Variants in MLLT3 observed in about 807,000 individuals in gnomAD.
MLLT3 encodes the protein protein AF-9.
In MLLT3, 4 loss-of-function variants were observed where a neutral mutation model predicts 53.2. The ratio of observed to expected loss-of-function variants is 0.08; its 90% CI spans 0.04 to 0.17. The LOEUF is 0.17. MLLT3 is among the 10% of genes least tolerant of loss of function. The probability of loss-of-function intolerance (pLI) is 1.00; values close to 1 mark genes in which losing one functional copy is unlikely to be tolerated. For synonymous variants in MLLT3, 283 were observed against 230.6 expected, an observed-to-expected ratio of 1.23 and a Z score of -2.06; for missense variants, 569 against 684.0, an observed-to-expected ratio of 0.83 and a Z score of 1.87.
chr9:20,578,401 AACG>A (rs1249669288), intron 2 of MLLT3, among the ~76,000 whole-genome samples: 2 of 152,280 alleles, frequency 1.3e-5, no homozygotes, highest in East Asian at 3.9e-4. Context: ...AATGGGGCTG[AACG>A]TGGTGGCTCA....
chr9:20,469,700 T>C (rs1279453156), intron 2 of MLLT3, among the ~76,000 whole-genome samples: 1 of 148,660 alleles, frequency 6.7e-6, no homozygotes, highest in Admixed American at 6.7e-5. Context: ...AACTAGCTAG[T>C]GTTCACTAAT....
At chr9:20,460,093 ATAC>A (rs1824071887) in intron 2 of MLLT3, among the ~76,000 whole-genome samples, 1 of 152,252 alleles carries the variant, frequency 6.6e-6, no homozygotes, top group Non-Finnish European at 1.5e-5. Flanking sequence ...GCCAGTAGGG[ATAC>A]TACATTAGAT....
intron 2 of MLLT3, among the ~76,000 whole-genome samples, chr9:20,542,238 A>ATTT (rs35985088): frequency 1.1e-3 from 56 of 50,622 alleles, no homozygotes; most frequent in Middle Eastern, 0.013. Flanking sequence ...GAGCAGTAAT[A>ATTT]TTTTTTTTTT....
rs569902878 is a variant in MLLT3, at chr9:20,342,466, C to T, written c.*3977G>A. 1 of 222,446 alleles carries T rather than the reference C, an allele frequency of 4.5e-6. No individual in the cohort carries two copies. Among genetic ancestry groups the T allele is most frequent in the South Asian group, 1.8e-4 (1 of 5,428 alleles). The allele number at this position is 222,446 out of a possible 1,614,324, so 13.8% of individuals were successfully genotyped here. On this transcript the variant is annotated 3_prime_UTR_variant, in exon 11 of 11. Transcript: ENST00000380338. ...CATTTTCACTTAATTTATTTTTGCACTGCATGGTAGCTCTGGCCACCATTA... is the reference window on the plus strand; with the variant it reads ...CATTTTCACTTAATTTATTTTTGCATTGCATGGTAGCTCTGGCCACCATTA...
intron 2 of MLLT3, among the ~76,000 whole-genome samples, chr9:20,490,570 T>C (rs1824922632): frequency 3.9e-5 from 6 of 152,202 alleles, no homozygotes; most frequent in Admixed American, 3.9e-4. Flanking sequence ...GAGCAGATTC[T>C]TCCCAGAGCC....
intron 2 of MLLT3, among the ~76,000 whole-genome samples, chr9:20,513,714 C>T (rs10964590): frequency 0.074 from 11,231 of 152,186 alleles, 575 homozygotes; most frequent in Non-Finnish European, 0.12. Flanking sequence ...TGGTTGTACA[C>T]GGCAGGTATC....
intron 2 of MLLT3, among the ~76,000 whole-genome samples, chr9:20,498,623 A>AT (rs565440615): frequency 6.0e-4 from 92 of 152,186 alleles, no homozygotes; most frequent in Non-Finnish European, 4.4e-4. Context: ...ACATTATGAG[A>AT]TTTTTTTGTG....
At chr9:20,579,011 G>A (rs577415047) in intron 2 of MLLT3, among the ~76,000 whole-genome samples, 1 of 152,030 alleles carries the variant, frequency 6.6e-6, no homozygotes, top group Non-Finnish European at 1.5e-5. Flanking sequence ...ATTGTACAGC[G>A]TTGCTTACCT....
At chr9:20,395,941 G>A (rs1470339135) in intron 5 of MLLT3, among the ~76,000 whole-genome samples, 2 of 152,156 alleles carry the variant, frequency 1.3e-5, no homozygotes, top group African/African-American at 4.8e-5. Context: ...AGAATTTTCT[G>A]AATGCAGGAT....
rs918044685 is a variant in MLLT3 at position 20,344,977 on chromosome 9, T to A, written c.*1466A>T. ...TTTCTCTTCTTTTCGGCTGAATTTCTAGTAAAAACTTTGAAGATGAGCTGT... is the reference window on the plus strand; with the variant it reads ...TTTCTCTTCTTTTCGGCTGAATTTCAAGTAAAAACTTTGAAGATGAGCTGT... On this transcript the variant is annotated 3_prime_UTR_variant, in exon 11 of 11. Transcript: ENST00000380338. 4 of 215,996 alleles carry A rather than the reference T, an allele frequency of 1.9e-5. No individual in the cohort carries two copies. The highest frequency in any genetic ancestry group is 3.7e-5 in the Non-Finnish European group (4 of 107,142). 13.4% of individuals were successfully genotyped at this position (215,996 alleles called of 1,614,324 possible).
intron 2 of MLLT3, among the ~76,000 whole-genome samples, chr9:20,565,967 TTTA>T (rs1819356397): frequency 5.4e-4 from 21 of 38,962 alleles, no homozygotes; most frequent in Non-Finnish European, 8.0e-4. Flanking sequence ...TATATATATA[TTTA>T]TATATATATA....
At chr9:20,512,446 A>G (rs1817779614) in intron 2 of MLLT3, among the ~76,000 whole-genome samples, 1 of 152,194 alleles carries the variant, frequency 6.6e-6, no homozygotes, top group Admixed American at 6.6e-5. Context: ...GCAAATTCTC[A>G]GGCCCCACCC....
At chr9:20,356,522 C>A (rs1587147544) in intron 8 of MLLT3, among the ~76,000 whole-genome samples, 1 of 152,046 alleles carries the variant, frequency 6.6e-6, no homozygotes, top group African/African-American at 2.4e-5. Context: ...AGATACTGGG[C>A]TGGGCATGCA....
rs536518470 is a variant in MLLT3 at position 20,580,149 on chromosome 9, C to A, written c.193+40505G>T. On this transcript the variant is annotated intron_variant, in intron 2 of 10. Coordinates refer to ENST00000380338, the MANE Select transcript of MLLT3 (RefSeq NM_004529.4). ...CTTAGTCATTCACACAGGCACAACC[C>A]CAGCCATGCTAATGGTCATAAATGC... Among the ~76,000 whole-genome samples the A allele has an allele frequency of 3.9e-5, 6 of 152,258 alleles. 1 individual carries two copies. In the South Asian group the frequency reaches 1.0e-3, roughly 26 times the overall value.
chr9:20,562,036 T>C (rs1486943015), intron 2 of MLLT3, among the ~76,000 whole-genome samples: 1 of 152,118 alleles, frequency 6.6e-6, no homozygotes, highest in African/African-American at 2.4e-5. Flanking sequence ...GACACAATAA[T>C]TTAAATATTA....
At chr9:20,486,937 C>T (rs1824828791) in intron 2 of MLLT3, among the ~76,000 whole-genome samples, 1 of 152,060 alleles carries the variant, frequency 6.6e-6, no homozygotes. Context: ...AATGAAAACC[C>T]ACACTCATGA....
intron 2 of MLLT3, among the ~76,000 whole-genome samples, chr9:20,479,940 T>A (rs1824620836): frequency 6.6e-6 from 1 of 152,190 alleles, no homozygotes; most frequent in Non-Finnish European, 1.5e-5. Context: ...AGAAATTACC[T>A]AATGTCCATG....
At chr9:20,391,539 G>A (rs895804429) in intron 5 of MLLT3, among the ~76,000 whole-genome samples, 5 of 152,188 alleles carry the variant, frequency 3.3e-5, no homozygotes, top group Admixed American at 6.5e-5. Context: ...GCGGATCAAA[G>A]AGCAGCCTGA....
At chr9:20,401,601 C>T (rs900819632) in intron 5 of MLLT3, among the ~76,000 whole-genome samples, 2 of 152,202 alleles carry the variant, frequency 1.3e-5, no homozygotes, top group Non-Finnish European at 2.9e-5. Context: ...CCGGTCATCA[C>T]TTCCAAGTTC....
Sources: allele counts gnomAD v4.1 joint callset (sites outside exome capture counted in the v4.1 genomes callset), GRCh38; gene constraint gnomAD v4.1.1; transcripts MANE v1.5; gene names NCBI Gene and HGNC (gene_info 2026-07-23, HGNC 2026-07-21).